The following ANO10 variants were observed in gnomAD, a reference collection of about 807,000 sequenced individuals.
ANO10 encodes anoctamin 10.
Under a neutral mutation model 74.7 loss-of-function variants are expected in ANO10, and 77 were observed. That is an observed-to-expected ratio of 1.03 (90% CI 0.86 to 1.25). The LOEUF (loss-of-function observed/expected upper bound fraction) is 1.25, where lower values mean the gene tolerates loss of function less well. Among genes scored for constraint, ANO10 ranks in the 50% most tolerant of loss-of-function variants. ANO10 has a pLI of 0.00. For synonymous variants in ANO10, 279 were observed against 284.9 expected (o/e 0.98, Z 0.21); for missense variants, 721 against 778.1 (o/e 0.93, Z 0.87).
intron 11 of ANO10, among the ~76,000 whole-genome samples, chr3:43,543,765 A>G (rs1014720798): frequency 6.6e-6 from 1 of 152,170 alleles, no homozygotes; most frequent in African/African-American, 2.4e-5. Flanking sequence ...AGAAACTGTA[A>G]TTAAATGATA....
chr3:43,464,112 T>C (rs779353651), intron 11 of ANO10, among the ~76,000 whole-genome samples: 3 of 152,200 alleles, frequency 2.0e-5, no homozygotes, highest in Non-Finnish European at 4.4e-5. Context: ...TTAAACATCT[T>C]TCTTTTGTAA....
chr3:43,529,803 C>T (rs2078375410), intron 11 of ANO10, among the ~76,000 whole-genome samples: 1 of 151,960 alleles, frequency 6.6e-6, no homozygotes, highest in South Asian at 2.1e-4. Context: ...GAATATAAAA[C>T]TATAGAGGTA....
chr3:43,685,489 T>C (rs2084263420), intron 1 of ANO10, among the ~76,000 whole-genome samples: 1 of 152,206 alleles, frequency 6.6e-6, no homozygotes. Flanking sequence ...ATTAGACTAC[T>C]GAAGCAAACA....
intron 11 of ANO10, among the ~76,000 whole-genome samples, chr3:43,480,374 C>T (rs1326385794): frequency 6.6e-6 from 1 of 152,102 alleles, no homozygotes; most frequent in African/African-American, 2.4e-5. Flanking sequence ...ATCGAGGAGA[C>T]CACAAAGGCA....
At chr3:43,552,697 GATATAT>G (rs57438732) in intron 10 of ANO10, among the ~76,000 whole-genome samples, 38,814 of 123,874 alleles carry the variant, frequency 0.31, 6,810 homozygotes, top group Non-Finnish European at 0.4. Context: ...ATTATCTCTG[GATATAT>G]ATATATATAT....
At chr3:43,570,881 A>G (rs1171473431) in intron 7 of ANO10, among the ~76,000 whole-genome samples, 2 of 137,424 alleles carry the variant, frequency 1.5e-5, no homozygotes, top group Non-Finnish European at 3.1e-5. Flanking sequence ...AGAAACTACC[A>G]TCAGAGTGAA....
Position 43,580,225 on chromosome 3 carries a change from C to T in ANO10, c.592+128G>A, listed in dbSNP as rs1398182336. On this transcript the variant is annotated intron_variant, in intron 5 of 12. Coordinates refer to ENST00000292246, the MANE Select transcript of ANO10 (RefSeq NM_018075.5). ...TTCCCTCCATCAAAATGTTTTCCCACATGTAGCTGGTGATCCCTGCCCAGT... is the reference window on the plus strand; with the variant it reads ...TTCCCTCCATCAAAATGTTTTCCCATATGTAGCTGGTGATCCCTGCCCAGT... 8 of 1,263,002 alleles carry T rather than the reference C, an allele frequency of 6.3e-6. No individual in the cohort carries two copies. The Admixed American group carries it at 1.4e-4, about 21-fold the overall frequency. The allele number at this position is 1,263,002 out of a possible 1,614,324, so 78.2% of individuals were successfully genotyped here.
intron 12 of ANO10, among the ~76,000 whole-genome samples, chr3:43,418,364 A>G (rs2092773312): frequency 6.6e-6 from 1 of 152,248 alleles, no homozygotes; most frequent in Non-Finnish European, 1.5e-5. Flanking sequence ...TTACTTATGC[A>G]GGGAGAGGTA....
intron 11 of ANO10, among the ~76,000 whole-genome samples, chr3:43,489,217 G>A (rs1331704840): frequency 6.6e-6 from 1 of 150,876 alleles, no homozygotes; most frequent in Non-Finnish European, 1.5e-5. Flanking sequence ...TATACCTAAT[G>A]CTAGATGAGG....
At chr3:43,378,692 C>A (rs1180209176) in intron 12 of ANO10, among the ~76,000 whole-genome samples, 2 of 152,110 alleles carry the variant, frequency 1.3e-5, no homozygotes, top group African/African-American at 4.8e-5. Flanking sequence ...CTGTTCCTGG[C>A]CAGTTGAGAA....
chr3:43,407,237 C>A (rs2092592482), intron 12 of ANO10, among the ~76,000 whole-genome samples: 1 of 152,092 alleles, frequency 6.6e-6, no homozygotes, highest in Non-Finnish European at 1.5e-5. Context: ...ACCTGGTCCA[C>A]CTTGTCCATT....
intron 11 of ANO10, among the ~76,000 whole-genome samples, chr3:43,545,147 A>C (rs184165482): frequency 6.6e-6 from 1 of 152,242 alleles, no homozygotes; most frequent in South Asian, 2.1e-4. Context: ...CTGCTCTTAT[A>C]GGGGCCATGA....
chr3:43,497,888 T>C (rs558036959), intron 11 of ANO10, among the ~76,000 whole-genome samples: 1 of 152,192 alleles, frequency 6.6e-6, no homozygotes, highest in Non-Finnish European at 1.5e-5. Context: ...GAAAAGCCAG[T>C]ACAAATTGAG....
intron 12 of ANO10, among the ~76,000 whole-genome samples, chr3:43,411,968 C>T (rs1303963965): frequency 6.7e-6 from 1 of 150,198 alleles, no homozygotes; most frequent in African/African-American, 2.4e-5. Flanking sequence ...TAGGATAGGG[C>T]CTAAGTATCA....
At chr3:43,566,334 A>T (rs1398934345) in intron 7 of ANO10, among the ~76,000 whole-genome samples, 1 of 152,256 alleles carries the variant, frequency 6.6e-6, no homozygotes, top group East Asian at 1.9e-4. Context: ...GGAGCCCACC[A>T]CAGCTGAAGG....
chr3:43,380,446 A>G (rs2091928125), intron 12 of ANO10, among the ~76,000 whole-genome samples: 1 of 152,192 alleles, frequency 6.6e-6, no homozygotes, highest in African/African-American at 2.4e-5. Flanking sequence ...ACATCAGGTA[A>G]CCTACAAAGG....
intron 12 of ANO10, among the ~76,000 whole-genome samples, chr3:43,383,181 CG>C (rs1249906364): frequency 6.6e-6 from 1 of 152,014 alleles, no homozygotes; most frequent in Non-Finnish European, 1.5e-5. Flanking sequence ...TGGCCGGGTG[CG>C]GTGGCTCATG....
rs56186109 is a variant in ANO10, at chr3:43,578,749, C to CAAAAAAAAA, written c.593-1497_593-1489dup. On this transcript the variant is annotated intron_variant, in intron 5 of 12. Coordinates refer to ENST00000292246, the MANE Select transcript of ANO10 (RefSeq NM_018075.5). The stretch of plus-strand genomic sequence containing the variant: ...TGGGCCACAGAGCAAGACTCCATCT[C>CAAAAAAAAA]AAAAAAAAAAAAAAAAAAAAAAAAA... Among the ~76,000 whole-genome samples the CAAAAAAAAA allele has an allele frequency of 6.8e-4, 44 of 64,442 alleles. 8 individuals carry two copies. Among genetic ancestry groups the CAAAAAAAAA allele is most frequent in the South Asian group, 2.2e-3 (2 of 910 alleles). 42.3% of individuals were successfully genotyped at this position (64,442 alleles called of 152,430 possible). A position where few individuals can be genotyped will look rare whatever the true frequency, so the allele number is the denominator to read the frequency against.
At chr3:43,606,175 G>C (rs1436388621) in intron 1 of ANO10, among the ~76,000 whole-genome samples, 2 of 152,200 alleles carry the variant, frequency 1.3e-5, no homozygotes, top group African/African-American at 2.4e-5. Context: ...TATTTTCAAA[G>C]AATGTGACAT....
Sources: gnomAD v4.1 joint callset for allele counts (sites outside exome capture counted in the v4.1 genomes callset) on GRCh38, gnomAD v4.1.1 for gene constraint, MANE v1.5 for transcripts, NCBI Gene and HGNC (gene_info 2026-07-23, HGNC 2026-07-21) for gene names.